The following ZSCAN20 variants were observed in gnomAD, a reference collection of about 807,000 sequenced individuals.
ZSCAN20 encodes the protein zinc finger and SCAN domain containing 20, also known as zinc finger and SCAN domain-containing protein 20.
Under a neutral mutation model 97.1 loss-of-function variants are expected in ZSCAN20, and 39 were observed. The ratio of observed to expected loss-of-function variants is 0.40; its 90% CI spans 0.31 to 0.52. The LOEUF (loss-of-function observed/expected upper bound fraction) is 0.52, where lower values mean the gene tolerates loss of function less well. ZSCAN20 is among the 20% of genes least tolerant of loss of function. The pLI is 0.49. For synonymous variants in ZSCAN20, 456 were observed against 467.3 expected (o/e 0.98, Z 0.31); for missense variants, 1,115 against 1,290.4 (o/e 0.86, Z 2.08).
At chr1:33,475,455 C>T (rs977824084) in intron 1 of ZSCAN20, among the ~76,000 whole-genome samples, 36 of 152,156 alleles carry the variant, frequency 2.4e-4, no homozygotes, top group African/African-American at 8.4e-4. Flanking sequence ...CTTGTTTGAA[C>T]ATTAGATGAG....
chr1:33,489,570 C>T lies in ZSCAN20; in HGVS notation c.734C>T (p.Pro245Leu), dbSNP rs1206887233. ...GAGAAGGAGCTCTGTAAAGACCCCC[C>T]AGGAGACGACTGTGGGAACAGCGTG... ...HAEKELCKDP[P>L]GDDCGNSVCL... Residue 245 changes from proline to leucine, a missense_variant, in exon 5 of 8, where the codon CCA becomes CTA. Pro to Leu is a moderately conservative substitution (Grantham distance 98, BLOSUM62 -3). Transcript: ENST00000684572. The T allele has an allele frequency of 1.2e-6, 2 of 1,614,146 alleles. No homozygotes were observed. The highest frequency in any genetic ancestry group is 1.7e-6 in the Non-Finnish European group (2 of 1,180,014).
At position 33,487,739 on chromosome 1, in the gene ZSCAN20, C is replaced by G. The variant is rs948114470; in HGVS notation, c.418-726C>G. On this transcript the variant is annotated intron_variant, in intron 2 of 7. Coordinates refer to ENST00000684572, the MANE Select transcript of ZSCAN20 (RefSeq NM_001377376.1). ...GTCACTGGTACTTCAAACTTCTGGG[C>G]TCAAGTGATCCTTCTGCCTCAGCCT... Among the ~76,000 whole-genome samples, 42 of 152,212 alleles carry G rather than the reference C, an allele frequency of 2.8e-4. 1 individual carries two copies. The highest frequency in any genetic ancestry group is 1.2e-3 in the Admixed American group (19 of 15,290).
At position 33,498,866 on chromosome 1, in the gene ZSCAN20, G is replaced by C. The variant is rs569449477; in HGVS notation, c.*3390G>C. On this transcript the variant is annotated 3_prime_UTR_variant, in exon 8 of 8. Transcript: ENST00000684572. ...AGGACCTTAGGCCTCCCATTCCTCA[G>C]ACCCCCAGAGGCAGCAGACCCAAAG... 6.6e-6 allele frequency among the ~76,000 whole-genome samples: 1 copy of C among 152,306 alleles called. No homozygotes were observed. The highest frequency in any genetic ancestry group is 2.1e-4 in the South Asian group (1 of 4,830).
Position 33,499,966 on chromosome 1 carries a change from C to G in ZSCAN20, c.*4490C>G, listed in dbSNP as rs1653008255. 6.6e-6 allele frequency among the ~76,000 whole-genome samples: 1 copy of G among 152,090 alleles called. No homozygotes were observed. Among genetic ancestry groups the G allele is most frequent in the African/African-American group, 2.4e-5 (1 of 41,404 alleles). Reference sequence around the variant, plus strand: ...CTCAAGCCCCTGCCCCAATCTGCTACAAGGGGTTAGTGTTCCATGCAGTGG... The same window carrying G: ...CTCAAGCCCCTGCCCCAATCTGCTAGAAGGGGTTAGTGTTCCATGCAGTGG... On this transcript the variant is annotated 3_prime_UTR_variant, in exon 8 of 8. Coordinates refer to ENST00000684572, the MANE Select transcript of ZSCAN20 (RefSeq NM_001377376.1).
chr1:33,475,106 C>T (rs1651870953), intron 1 of ZSCAN20, among the ~76,000 whole-genome samples: 1 of 152,196 alleles, frequency 6.6e-6, no homozygotes, highest in African/African-American at 2.4e-5. Context: ...TTTCCATTCT[C>T]CCGTACTGTC....
At position 33,491,565 on chromosome 1, in the gene ZSCAN20, A is replaced by G. The variant is rs760641689; in HGVS notation, c.1307A>G (p.Glu436Gly). ...CCCAGGCTCGGGTATAGTGACGCAG[A>G]GATGGATGAGCAGGAGGAAGGGGGC... is the stretch of plus-strand genomic sequence containing the variant. ...ALPRLGYSDA[E>G]MDEQEEGGWD... Residue 436 changes from glutamate to glycine, a missense_variant, in exon 6 of 8, where the codon GAG (glutamate) becomes GGG (glycine). This residue lies in a region of ZSCAN20 where 508 missense variants were observed against 611.2 expected (regional missense o/e 0.83). Coordinates refer to ENST00000684572, the MANE Select transcript of ZSCAN20 (RefSeq NM_001377376.1). This position sits in a 1 kb window ranked among gnomAD's most constrained non-coding sequence, Gnocchi z 4.3. The G allele has an allele frequency of 6.2e-7, 1 of 1,614,162 alleles. No individual in the cohort carries two copies. The highest frequency in any genetic ancestry group is 1.3e-5 in the African/African-American group (1 of 75,040).
chr1:33,491,154 C>G lies in ZSCAN20; in HGVS notation c.896C>G (p.Ala299Gly), dbSNP rs202005192. The change falls in exon 6 of 8, where the codon GCA becomes GGA. Residue 299 changes from alanine to glycine, a missense_variant. This residue lies in a region of ZSCAN20 where 508 missense variants were observed against 611.2 expected (regional missense o/e 0.83). Transcript: ENST00000684572. The surrounding 1 kb of genome is among the most constrained non-coding windows in gnomAD (Gnocchi z 4.3). ...DYSLDNEPAQ[A>G]LTWRDSRAWE... ...AGCCTGGATAATGAGCCAGCTCAGG[C>G]ATTGACCTGGAGGGATTCAAGAGCC... 1.2e-6 allele frequency: 2 copies of G among 1,614,042 alleles called. No individual in the cohort carries two copies. Among genetic ancestry groups the G allele is most frequent in the Admixed American group, 3.3e-5 (2 of 60,022 alleles).
Position 33,479,518 on chromosome 1 carries a change from G to A in ZSCAN20, c.230G>A (p.Cys77Tyr). The change falls in exon 2 of 8, where the codon TGT (cysteine) becomes TAT (tyrosine). Residue 77 changes from cysteine (C) to tyrosine (Y), a missense_variant. By Grantham distance (194) the Cys-to-Tyr change is radical (BLOSUM62 -2). Around this residue, in one of 3 missense-constraint regions of ZSCAN20, gnomAD observed 508 missense variants for 611.2 expected, o/e 0.83. Coordinates refer to ENST00000684572, the MANE Select transcript of ZSCAN20 (RefSeq NM_001377376.1). ...TTCAGCCAGCTCTGGGCTCTCTGCT[G>A]TCGTTGGCTGAGGCCGGAGATCCGT... is the stretch of plus-strand genomic sequence containing the variant. Reference protein sequence around the residue: ...EAFSQLWALCCRWLRPEIRLK... With the variant: ...EAFSQLWALCYRWLRPEIRLK... 6.2e-7 allele frequency: 1 copy of A among 1,613,338 alleles called. No individual in the cohort carries two copies. Among genetic ancestry groups the A allele is most frequent in the Non-Finnish European group, 8.5e-7 (1 of 1,179,470 alleles).
At chr1:33,482,438 TG>T (rs1367607945) in intron 2 of ZSCAN20, among the ~76,000 whole-genome samples, 1 of 152,276 alleles carries the variant, frequency 6.6e-6, no homozygotes, top group Non-Finnish European at 1.5e-5. Flanking sequence ...TATTCCGTTG[TG>T]TGGATGTACC....
chr1:33,478,378 A>C (rs1652014209), intron 1 of ZSCAN20, among the ~76,000 whole-genome samples: 1 of 151,912 alleles, frequency 6.6e-6, no homozygotes, highest in Non-Finnish European at 1.5e-5. Context: ...AATGATGATG[A>C]CCAGGTTTCT....
rs1201250980 is a variant in ZSCAN20 at position 33,489,206 on chromosome 1, GT to G, written c.681+17del. On this transcript the variant is annotated intron_variant, in intron 4 of 7. Transcript: ENST00000684572. The stretch of plus-strand genomic sequence containing the variant: ...CTGAGTCCCAGGTAAGCTGTTACTC[GT>G]TCTTCCTTTCCTGTCATTGCTGCTC... 8.7e-6 allele frequency: 14 copies of G among 1,611,798 alleles called. No homozygotes were observed. The highest frequency in any genetic ancestry group is 1.2e-5 in the Non-Finnish European group (14 of 1,178,554).
intron 4 of ZSCAN20, 116 bp downstream of exon 4, chr1:33,489,307 G>A: frequency 8.3e-7 from 1 of 1,199,328 alleles, no homozygotes. Flanking sequence ...GAGGCCCAGG[G>A]TGTTAGCCTT....
rs3795419 is a variant in ZSCAN20, at chr1:33,491,530, C to T, written c.1272C>T (p.Ala424=). 1.6e-5 allele frequency: 26 copies of T among 1,613,832 alleles called. No homozygotes were observed. Among genetic ancestry groups the T allele is most frequent in the African/African-American group, 1.1e-4 (8 of 74,886 alleles). Residue 424 remains alanine (A), a synonymous_variant, in exon 6 of 8, where the codon GCC becomes GCT. Coordinates refer to ENST00000684572, the MANE Select transcript of ZSCAN20 (RefSeq NM_001377376.1). This position sits in a 1 kb window ranked among gnomAD's most constrained non-coding sequence, Gnocchi z 4.3. ...GAGCCACAGATGGCCCAGGAGAGGC[C>T]GTGGCACTTCCCAGGCTCGGGTATA... ...AIRATDGPGE[A]VALPRLGYSD...
At chr1:33,484,555 G>A (rs1041861612) in intron 2 of ZSCAN20, among the ~76,000 whole-genome samples, 1 of 151,118 alleles carries the variant, frequency 6.6e-6, no homozygotes, top group Non-Finnish European at 1.5e-5. Context: ...TGGTTGTGGT[G>A]TGTAATTTCT....
chr1:33,485,065 A>G lies in ZSCAN20; in HGVS notation c.418-3400A>G, dbSNP rs529395084. 1.2e-4 allele frequency among the ~76,000 whole-genome samples: 18 copies of G among 152,336 alleles called. No individual in the cohort carries two copies. In the South Asian group the frequency reaches 3.7e-3, roughly 32 times the overall value. The stretch of plus-strand genomic sequence containing the variant: ...CCTCTGCTTCTATCTTCTGGAAGAG[A>G]TAGTAGAGAATTGTTATAATTTCTT... On this transcript the variant is annotated intron_variant, in intron 2 of 7. Transcript: ENST00000684572.
intron 1 of ZSCAN20, among the ~76,000 whole-genome samples, chr1:33,478,248 G>A (rs958426113): frequency 1.3e-5 from 2 of 152,126 alleles, no homozygotes; most frequent in Admixed American, 6.5e-5. Context: ...AGGCAGGGAC[G>A]TGTTAGGAGA....
chr1:33,475,815 AC>A (rs1195635562), intron 1 of ZSCAN20, among the ~76,000 whole-genome samples: 5 of 119,784 alleles, frequency 4.2e-5, no homozygotes, highest in Admixed American at 2.9e-4. Context: ...ACGAGCCACC[AC>A]GCTTGGCTAT....
In ZSCAN20 at chr1:33,488,243, T is replaced by C. The variant is rs560737993; in HGVS notation, c.418-222T>C. Among the ~76,000 whole-genome samples, 5 of 152,314 alleles carry C rather than the reference T, an allele frequency of 3.3e-5. No homozygotes were observed. In the East Asian group the frequency reaches 7.7e-4, roughly 23 times the overall value. The stretch of plus-strand genomic sequence containing the variant: ...AATGTTTTGAACAGTGGGACTCTCA[T>C]TGAAACACTTGGATCGCCACCCTGT... On this transcript the variant is annotated intron_variant, in intron 2 of 7. Transcript: ENST00000684572.
Position 33,485,283 on chromosome 1 carries a change from C to T in ZSCAN20, c.418-3182C>T, listed in dbSNP as rs376034659. 7.2e-5 allele frequency among the ~76,000 whole-genome samples: 11 copies of T among 152,200 alleles called. No homozygotes were observed. In the East Asian group the frequency reaches 9.6e-4, roughly 13 times the overall value. On this transcript the variant is annotated intron_variant, in intron 2 of 7. Transcript: ENST00000684572. Reference sequence around the variant, plus strand: ...TTCATCTAGGTTGTCAAGTGTGTGGCCATAGATATTCCTTTATTAACCTTT... The same window carrying T: ...TTCATCTAGGTTGTCAAGTGTGTGGTCATAGATATTCCTTTATTAACCTTT...
Sources: allele counts gnomAD v4.1 joint callset (sites outside exome capture counted in the v4.1 genomes callset), GRCh38; gene constraint gnomAD v4.1.1; regional missense constraint gnomAD v4.1.1; non-coding constraint Gnocchi (gnomAD v3.1); transcripts MANE v1.5; gene names NCBI Gene and HGNC (gene_info 2026-07-23, HGNC 2026-07-21).